ZBTB7B: variants seen among roughly 807,000 people sequenced by gnomAD.
ZBTB7B encodes zinc finger and BTB domain containing 7B.
In ZBTB7B, 8 loss-of-function variants were observed where a neutral mutation model predicts 31.0. The observed-to-expected ratio is 0.26, with a 90% CI of 0.15 to 0.47. The LOEUF (loss-of-function observed/expected upper bound fraction) is 0.47. Among genes scored for constraint, ZBTB7B ranks in the 20% least tolerant of loss-of-function variants. ZBTB7B has a pLI of 0.99. For synonymous variants in ZBTB7B, 261 were observed against 307.3 expected (o/e 0.85, Z 1.58); for missense variants, 494 against 742.4 (o/e 0.67, Z 3.89).
Position 155,003,475 on chromosome 1 carries a change from G to A in ZBTB7B, c.-7+532G>A, listed in dbSNP as rs1210373692. 6.6e-6 allele frequency among the ~76,000 whole-genome samples: 1 copy of A among 152,174 alleles called. No homozygotes were observed. On this transcript the variant is annotated intron_variant, in intron 1 of 2. Coordinates refer to ENST00000535420, the MANE Select transcript of ZBTB7B (RefSeq NM_001256455.2). The surrounding 1 kb of genome is among the most constrained non-coding windows in gnomAD (Gnocchi z 5.8). ...GGGAAAGTTACCGGCTGGACTATTC[G>A]GTTTCTTGCGCTTCCAGAGCCGCGC...
intron 1 of ZBTB7B, among the ~76,000 whole-genome samples, chr1:155,008,821 G>T (rs1016853154): frequency 6.6e-6 from 1 of 152,000 alleles, no homozygotes; most frequent in Non-Finnish European, 1.5e-5. Flanking sequence ...GGTTAAGGCT[G>T]TAGGGGGGAG....
At chr1:155,005,512 A>G (rs1410606479) in intron 1 of ZBTB7B, among the ~76,000 whole-genome samples, 2 of 152,184 alleles carry the variant, frequency 1.3e-5, no homozygotes, top group African/African-American at 4.8e-5. Context: ...CTTCTGGCCC[A>G]AGACCAAGGC....
chr1:155,010,894 GTC>G (rs1183918334), intron 1 of ZBTB7B: 2 of 1,532,500 alleles, frequency 1.3e-6, no homozygotes, highest in African/African-American at 1.4e-5. Flanking sequence ...AGAGCCTCAG[GTC>G]TCTCCATCAT....
Position 155,003,996 on chromosome 1 carries a change from G to GC in ZBTB7B, c.-7+1059dup, listed in dbSNP as rs1342645767. Among the ~76,000 whole-genome samples, 3 of 152,208 alleles carry GC rather than the reference G, an allele frequency of 2.0e-5. No homozygotes were observed. Among genetic ancestry groups the GC allele is most frequent in the East Asian group, 1.9e-4 (1 of 5,156 alleles). ...TGTTTAGAGAGAGGGCGGGTCCCCTGCCCCCCGCCCCGCACAACCCCCACG... is the reference window on the plus strand; with the variant it reads ...TGTTTAGAGAGAGGGCGGGTCCCCTGCCCCCCCGCCCCGCACAACCCCCACG... On this transcript the variant is annotated intron_variant, in intron 1 of 2. Transcript: ENST00000535420. The surrounding 1 kb of genome is among the most constrained non-coding windows in gnomAD (Gnocchi z 5.8).
upstream of ZBTB7B, among the ~76,000 whole-genome samples, chr1:155,002,106 A>T (rs1176420221): frequency 1.3e-5 from 2 of 150,076 alleles, no homozygotes; most frequent in Non-Finnish European, 3.0e-5. Context: ...CGCTGCGGAC[A>T]CTGCCCCCTC....
chr1:155,018,305 T>TAA lies in ZBTB7B; in HGVS notation c.*1620_*1621insAA. The TAA allele has an allele frequency of 7.1e-6, 4 of 562,440 alleles. No homozygotes were observed. The South Asian group carries it at 8.4e-5, about 12-fold the overall frequency. The allele number at this position is 562,440 out of a possible 1,614,324, so 34.8% of individuals were successfully genotyped here. A position where few individuals can be genotyped will look rare whatever the true frequency, so the allele number is the denominator to read the frequency against. ...AGATCGGGTTGTCCTGGGCCTCATC[T>TAA]TAGCATTTCAGGTGATGGGGGGAGC... On this transcript the variant is annotated 3_prime_UTR_variant, in exon 3 of 3. Coordinates refer to ENST00000535420, the MANE Select transcript of ZBTB7B (RefSeq NM_001256455.2).
chr1:155,007,720 G>T (rs1028524209), intron 1 of ZBTB7B, among the ~76,000 whole-genome samples: 4 of 152,162 alleles, frequency 2.6e-5, no homozygotes, highest in Non-Finnish European at 5.9e-5. Flanking sequence ...TTGGCATGGG[G>T]CGCTGGGAGC....
rs1336831643 is a variant in ZBTB7B, at chr1:155,015,423, A to C, written c.763A>C (p.Ser255Arg). 1.3e-6 allele frequency: 2 copies of C among 1,572,322 alleles called. No individual in the cohort carries two copies. The highest frequency in any genetic ancestry group is 2.4e-5 in the South Asian group (2 of 84,752). The change falls in exon 2 of 3, where the codon AGC (serine) becomes CGC (arginine). Residue 255 changes from serine (S) to arginine (R), a missense_variant. Around this residue, in one of 5 missense-constraint regions of ZBTB7B, gnomAD observed 216 missense variants for 229.3 expected, o/e 0.94. Coordinates refer to ENST00000535420, the MANE Select transcript of ZBTB7B (RefSeq NM_001256455.2). Reference sequence around the variant, plus strand: ...GGGCAGTGGGCCGGGGGACAGCTACAGCCCTCCCACAGGAACTGCCTCCCC... The same window carrying C: ...GGGCAGTGGGCCGGGGGACAGCTACCGCCCTCCCACAGGAACTGCCTCCCC... Reference protein sequence around the residue: ...SGGSGPGDSYSPPTGTASPPE... With the variant: ...SGGSGPGDSYRPPTGTASPPE...
At position 155,015,560 on chromosome 1, in the gene ZBTB7B, A is replaced by G; in HGVS notation, c.900A>G (p.Pro300=). The G allele has an allele frequency of 6.2e-7, 1 of 1,613,858 alleles. No individual in the cohort carries two copies. Among genetic ancestry groups the G allele is most frequent in the Non-Finnish European group, 8.5e-7 (1 of 1,179,978 alleles). The change falls in exon 2 of 3, where the codon CCA becomes CCG. Residue 300 remains proline (P), a synonymous_variant. Coordinates refer to ENST00000535420, the MANE Select transcript of ZBTB7B (RefSeq NM_001256455.2). ...LAQGGGPPLS[P]EELGSDEDAI... The stretch of plus-strand genomic sequence containing the variant: ...AGGGTGGCGGGCCCCCGCTGTCCCC[A>G]GAGGAGCTGGGCTCAGATGAGGATG...
chr1:155,001,970 G>A (rs946703919), upstream of ZBTB7B, among the ~76,000 whole-genome samples: 1 of 146,406 alleles, frequency 6.8e-6, no homozygotes, highest in Non-Finnish European at 1.5e-5. The surrounding 1 kb of genome is among the most constrained non-coding windows in gnomAD (Gnocchi z 4.8). Flanking sequence ...AAGACCCTAA[G>A]TCCCCAATTC....
At position 155,016,137 on chromosome 1, in the gene ZBTB7B, G is replaced by A; in HGVS notation, c.1155-83G>A. 2 of 1,453,350 alleles carry A rather than the reference G, an allele frequency of 1.4e-6. No individual in the cohort carries two copies. Among genetic ancestry groups the A allele is most frequent in the Non-Finnish European group, 1.9e-6 (2 of 1,057,792 alleles). 90.0% of individuals were successfully genotyped at this position (1,453,350 alleles called of 1,614,324 possible). ...AACAAATGGTGAGGAACAGGGATGG[G>A]ACAAGGCCAGGGTGGGATGACCAGG... On this transcript the variant is annotated intron_variant, in intron 2 of 2. Transcript: ENST00000535420. This position sits in a 1 kb window ranked among gnomAD's most constrained non-coding sequence, Gnocchi z 4.3.
In ZBTB7B at chr1:155,015,878, G is replaced by A. The variant is rs557979926; in HGVS notation, c.1154+64G>A. ...GGTAGGGGACAGGGTGGGAGGAGAT[G>A]GGGAAGAAGTTAGGAGACCCGAGGT... is the stretch of plus-strand genomic sequence containing the variant. On this transcript the variant is annotated intron_variant, in intron 2 of 2. Transcript: ENST00000535420. 9 of 1,555,620 alleles carry A rather than the reference G, an allele frequency of 5.8e-6. No homozygotes were observed. In the South Asian group the frequency reaches 1.1e-4, roughly 19 times the overall value.
chr1:155,010,946 C>T, intron 1 of ZBTB7B: 1 of 1,535,880 alleles, frequency 6.5e-7, no homozygotes, highest in South Asian at 1.2e-5. Flanking sequence ...CTCATCCTCC[C>T]TCACCCCAAG....
Position 155,004,590 on chromosome 1 carries a change from G to C in ZBTB7B, c.-7+1647G>C, listed in dbSNP as rs926550814. ...TTGGGGAGGAGAGAGTGGGCATAAG[G>C]AGTGTTGTGCTGCGCTAGAGAGGGA... On this transcript the variant is annotated intron_variant, in intron 1 of 2. Coordinates refer to ENST00000535420, the MANE Select transcript of ZBTB7B (RefSeq NM_001256455.2). The surrounding 1 kb of genome is among the most constrained non-coding windows in gnomAD (Gnocchi z 4.0). 7.9e-5 allele frequency among the ~76,000 whole-genome samples: 12 copies of C among 152,248 alleles called. No homozygotes were observed. Among genetic ancestry groups the C allele is most frequent in the Admixed American group, 7.8e-4 (12 of 15,296 alleles).
Position 155,018,493 on chromosome 1 carries a change from A to G in ZBTB7B, c.*1808A>G. On this transcript the variant is annotated 3_prime_UTR_variant, in exon 3 of 3. Coordinates refer to ENST00000535420, the MANE Select transcript of ZBTB7B (RefSeq NM_001256455.2). Reference sequence around the variant, plus strand: ...AACTCCCCCACCTCGGGTGTAAGCGACAGGAAGAAATAATAATAATTTAAG... The same window carrying G: ...AACTCCCCCACCTCGGGTGTAAGCGGCAGGAAGAAATAATAATAATTTAAG... 6.6e-7 allele frequency: 1 copy of G among 1,519,272 alleles called. No homozygotes were observed. The highest frequency in any genetic ancestry group is 9.0e-7 in the Non-Finnish European group (1 of 1,111,438). The allele number at this position is 1,519,272 out of a possible 1,614,324, so 94.1% of individuals were successfully genotyped here. A position where few individuals can be genotyped will look rare whatever the true frequency, so the allele number is the denominator to read the frequency against.
chr1:155,007,521 T>TA (rs1205507100), intron 1 of ZBTB7B, among the ~76,000 whole-genome samples: 1 of 152,178 alleles, frequency 6.6e-6, no homozygotes, highest in Non-Finnish European at 1.5e-5. Context: ...TGTGGAGCCT[T>TA]CATTAACTAC....
rs79265315 is a variant in ZBTB7B, at chr1:155,007,439, A to T, written c.-7+4496A>T. On this transcript the variant is annotated intron_variant, in intron 1 of 2. Coordinates refer to ENST00000535420, the MANE Select transcript of ZBTB7B (RefSeq NM_001256455.2). ...TGCAGGGACTTTGGTGCCCAAGCAA[A>T]TGCTTGGGCAGGGGGAATGCCGGGA... Among the ~76,000 whole-genome samples, 1,264 of 152,282 alleles carry T rather than the reference A, an allele frequency of 8.3e-3. 19 individuals are homozygous for T. Among genetic ancestry groups the T allele is most frequent in the African/African-American group, 0.028 (1,173 of 41,558 alleles).
At chr1:155,007,956 A>G (rs1658664990) in intron 1 of ZBTB7B, among the ~76,000 whole-genome samples, 2 of 152,098 alleles carry the variant, frequency 1.3e-5, no homozygotes, top group African/African-American at 4.8e-5. Flanking sequence ...TCATTCCAGG[A>G]ATAAGGGACC....
At chr1:155,015,872 G>A (rs1010083395) in intron 2 of ZBTB7B, 58 bp downstream of exon 2, 4 of 1,561,880 alleles carry the variant, frequency 2.6e-6, no homozygotes, top group African/African-American at 1.4e-5. Flanking sequence ...CAGGGTGGGA[G>A]GAGATGGGGA....
Sources: gnomAD v4.1 joint callset for allele counts (sites outside exome capture counted in the v4.1 genomes callset) on GRCh38, gnomAD v4.1.1 for gene constraint, gnomAD v4.1.1 regional missense constraint, Gnocchi (gnomAD v3.1) non-coding constraint, MANE v1.5 for transcripts, NCBI Gene and HGNC (gene_info 2026-07-23, HGNC 2026-07-21) for gene names.